Variants in PDE1C observed in about 807,000 individuals in gnomAD.
The protein encoded by PDE1C is phosphodiesterase 1C.
Under a neutral mutation model 93.1 loss-of-function variants are expected in PDE1C, and 62 were observed. The observed-to-expected ratio is 0.67, with a 90% CI of 0.54 to 0.82. The LOEUF (loss-of-function observed/expected upper bound fraction) is 0.82. Among genes scored for constraint, PDE1C ranks in the 40% least tolerant of loss-of-function variants. The pLI is 0.00. For synonymous variants in PDE1C, 325 were observed against 310.1 expected (o/e 1.05, Z -0.50); for missense variants, 742 against 884.6 (o/e 0.84, Z 2.04).
intron 1 of PDE1C, among the ~76,000 whole-genome samples, chr7:32,217,374 A>G (rs1806511020): frequency 6.6e-6 from 1 of 152,226 alleles, no homozygotes; most frequent in Admixed American, 6.5e-5. Flanking sequence ...TCCAGCTCTG[A>G]GTCCAGCATT....
At chr7:32,085,272 C>G (rs1406223030) in intron 3 of PDE1C, among the ~76,000 whole-genome samples, 2 of 137,916 alleles carry the variant, frequency 1.5e-5, no homozygotes, top group Non-Finnish European at 3.1e-5. Context: ...ATAAATTCCT[C>G]GACACATACA....
At chr7:31,926,149 ACAC>A (rs1803350522) in intron 2 of PDE1C, among the ~76,000 whole-genome samples, 1 of 152,174 alleles carries the variant, frequency 6.6e-6, no homozygotes, top group South Asian at 2.1e-4. Flanking sequence ...ACACACACAC[ACAC>A]AATTATACAC....
rs376978627 is a variant in PDE1C at position 32,185,247 on chromosome 7, G to C, written c.137-15291C>G. On this transcript the variant is annotated intron_variant, in intron 2 of 18. Transcript: ENST00000396193. The stretch of plus-strand genomic sequence containing the variant: ...GCAACAAGAGCAAAACTCTGTCTCA[G>C]AAAAAAAAAAAAAAAAAAAAAAAAT... Among the ~76,000 whole-genome samples, 10 of 101,566 alleles carry C rather than the reference G, an allele frequency of 9.8e-5. No individual in the cohort carries two copies. In the East Asian group the frequency reaches 2.8e-3, roughly 29 times the overall value. The allele number at this position is 101,566 out of a possible 152,430, so 66.6% of individuals were successfully genotyped here.
At chr7:32,217,463 C>T (rs1437055927) in intron 1 of PDE1C, among the ~76,000 whole-genome samples, 4 of 115,904 alleles carry the variant, frequency 3.5e-5, no homozygotes, top group African/African-American at 1.3e-4. Context: ...ACTTCCTTTG[C>T]CCCCATGTGG....
chr7:32,161,872 G>A (rs1801947731), intron 3 of PDE1C, among the ~76,000 whole-genome samples: 1 of 152,146 alleles, frequency 6.6e-6, no homozygotes. Context: ...TGTGGTTGAG[G>A]CATATGCTGA....
chr7:31,904,386 TA>T (rs1313524428), intron 2 of PDE1C, among the ~76,000 whole-genome samples: 4 of 152,272 alleles, frequency 2.6e-5, no homozygotes, highest in Middle Eastern at 3.4e-3. Flanking sequence ...ATACAATTTT[TA>T]AAACTTCTCT....
chr7:32,192,639 TC>T (rs1728048378), intron 2 of PDE1C, among the ~76,000 whole-genome samples: 1 of 152,108 alleles, frequency 6.6e-6, no homozygotes, highest in Admixed American at 6.5e-5. Flanking sequence ...CACTTTTTTT[TC>T]TTTTTAAAAA....
chr7:31,902,069 T>C (rs1437993288), intron 2 of PDE1C, among the ~76,000 whole-genome samples: 1 of 151,424 alleles, frequency 6.6e-6, no homozygotes, highest in Non-Finnish European at 1.5e-5. Flanking sequence ...GGAAAAGGTT[T>C]CTCTAAGCAT....
intron 1 of PDE1C, among the ~76,000 whole-genome samples, chr7:32,251,849 G>C (rs541594442): frequency 6.6e-6 from 1 of 152,240 alleles, no homozygotes; most frequent in Non-Finnish European, 1.5e-5. Context: ...GGTTGGCCAT[G>C]GCCATCAGCC....
intron 2 of PDE1C, among the ~76,000 whole-genome samples, chr7:32,044,934 C>G (rs779006518): frequency 1.2e-4 from 19 of 152,060 alleles, no homozygotes; most frequent in Non-Finnish European, 2.2e-4. Flanking sequence ...ACTACCCAGA[C>G]GAAGTGCCTG....
At chr7:31,697,665 G>C in the PDE1C span, among the ~76,000 whole-genome samples, 4 of 152,306 alleles carry the variant, frequency 2.6e-5, no homozygotes, top group Non-Finnish European at 5.9e-5. Context: ...TGGGGAATAA[G>C]ACACGTATAT....
At position 32,323,626 on chromosome 7, in the gene PDE1C, G is replaced by A. The variant is rs187367835; in HGVS notation, c.310+104196C>T. 3.9e-3 allele frequency among the ~76,000 whole-genome samples: 596 copies of A among 152,240 alleles called. 2 individuals carry two copies. Among genetic ancestry groups the A allele is most frequent in the Non-Finnish European group, 6.4e-3 (436 of 68,028 alleles). On this transcript the variant is annotated intron_variant, in intron 1 of 1. Transcript: ENST00000672256. ...CTGGGCAAATGGAGATGTCAACCAC[G>A]GAACCAAGTCAAAGAGCCAGGAGGA...
Position 31,823,167 on chromosome 7 carries a change from A to G in PDE1C, c.1488T>C (p.Asn496=), listed in dbSNP as rs1789195842. 2.5e-6 allele frequency: 4 copies of G among 1,613,384 alleles called. No homozygotes were observed. In the East Asian group the frequency reaches 8.9e-5, roughly 36 times the overall value. Residue 496 remains asparagine (N), a synonymous_variant, in exon 14 of 18, where the codon AAT becomes AAC. Transcript: ENST00000396191. The part of the protein sequence containing the change: ...SGSEGSAPIN[N]SVISVDYKSF... ...TCTTATAGTCAACGGAGATGACAGA[A>G]TTGTTGATCGGGGCACTTCCCTCTG... is the stretch of plus-strand genomic sequence containing the variant.
At chr7:32,163,722 G>C (rs1032912613) in intron 3 of PDE1C, among the ~76,000 whole-genome samples, 1 of 152,150 alleles carries the variant, frequency 6.6e-6, no homozygotes, top group East Asian at 1.9e-4. Context: ...GCAATGCACT[G>C]AGTGGCTTCA....
intron 3 of PDE1C, among the ~76,000 whole-genome samples, chr7:32,080,488 C>T (rs1796598194): frequency 6.6e-6 from 1 of 152,194 alleles, no homozygotes; most frequent in Non-Finnish European, 1.5e-5. Context: ...AGATGTGGAG[C>T]TACTCAGGGA....
At chr7:31,631,356 T>C in the PDE1C span, among the ~76,000 whole-genome samples, 1 of 152,218 alleles carries the variant, frequency 6.6e-6, no homozygotes, top group Non-Finnish European at 1.5e-5. Context: ...AAAAACAAGA[T>C]ATAAAATGTG....
intron 2 of PDE1C, among the ~76,000 whole-genome samples, chr7:31,953,521 C>T (rs1228224576): frequency 6.6e-6 from 1 of 152,190 alleles, no homozygotes; most frequent in Non-Finnish European, 1.5e-5. Context: ...ACAGGAACAC[C>T]TTCGCTAGGA....
At chr7:32,195,358 T>C (rs1804537982) in intron 2 of PDE1C, among the ~76,000 whole-genome samples, 1 of 152,206 alleles carries the variant, frequency 6.6e-6, no homozygotes, top group Non-Finnish European at 1.5e-5. Flanking sequence ...AATGTCTTTA[T>C]TTCCCCTCCA....
chr7:32,103,303 G>C (rs1276712048), intron 3 of PDE1C, among the ~76,000 whole-genome samples: 1 of 152,112 alleles, frequency 6.6e-6, no homozygotes, highest in Admixed American at 6.6e-5. Context: ...TGCTAAATAA[G>C]AGTTTGTTGA....
Sources: gnomAD v4.1 joint callset for allele counts (sites outside exome capture counted in the v4.1 genomes callset) on GRCh38, gnomAD v4.1.1 for gene constraint, MANE v1.5 for transcripts, NCBI Gene and HGNC (gene_info 2026-07-23, HGNC 2026-07-21) for gene names.